CFAP54: variants seen among roughly 807,000 people sequenced by gnomAD.
CFAP54 encodes cilia- and flagella-associated protein 54.
In CFAP54, 290 loss-of-function variants were observed where a neutral mutation model predicts 370.4. That is an observed-to-expected ratio of 0.78 (90% CI 0.71 to 0.86). The LOEUF (loss-of-function observed/expected upper bound fraction) is 0.86. CFAP54 is among the 40% of genes least tolerant of loss of function. CFAP54 has a pLI of 0.00. For synonymous variants in CFAP54, 1,206 were observed against 1,236.5 expected, an observed-to-expected ratio of 0.98 and a Z score of 0.52; for missense variants, 3,399 against 3,528.7, an observed-to-expected ratio of 0.96 and a Z score of 0.93.
At chr12:96,657,304 G>C (rs999596130) in intron 36 of CFAP54, among the ~76,000 whole-genome samples, 1 of 152,132 alleles carries the variant, frequency 6.6e-6, no homozygotes, top group Non-Finnish European at 1.5e-5. Context: ...GGGTCTCCTT[G>C]ATGCTTTCCT....
chr12:96,664,695 ATC>A (rs201468144), intron 39 of CFAP54, among the ~76,000 whole-genome samples: 41,188 of 77,130 alleles, frequency 0.53, 9,375 homozygotes, highest in East Asian at 0.66. Flanking sequence ...TTGGGTATAT[ATC>A]TATATATATA....
chr12:96,626,844 G>A lies in CFAP54; in HGVS notation c.4008G>A (p.Leu1336=), dbSNP rs1023351924. ...AATTTAAGCAAAAACCAAGATTTCT[G>A]GAATTCTTTACACAAGTTATGCTAA... The part of the protein sequence containing the change: ...VMKFKQKPRF[L]EFFTQVMLKC... Residue 1336 remains leucine (L), a synonymous_variant, in exon 30 of 68, where the codon CTG becomes CTA. Coordinates refer to ENST00000524981, the MANE Select transcript of CFAP54 (RefSeq NM_001306084.2). 2 of 1,405,230 alleles carry A rather than the reference G, an allele frequency of 1.4e-6. No individual in the cohort carries two copies. Among genetic ancestry groups the A allele is most frequent in the East Asian group, 2.5e-5 (1 of 39,600 alleles). The allele number at this position is 1,405,230 out of a possible 1,614,324, so 87.0% of individuals were successfully genotyped here. A position where few individuals can be genotyped will look rare whatever the true frequency, so the allele number is the denominator to read the frequency against.
intron 1 of CFAP54, among the ~76,000 whole-genome samples, chr12:96,497,313 C>T (rs75350829): frequency 0.018 from 2,709 of 152,158 alleles, 72 homozygotes; most frequent in African/African-American, 0.062. Flanking sequence ...AGGCAAGAGA[C>T]CCAAAATAGC....
At chr12:96,652,855 A>G (rs1956877299) in intron 36 of CFAP54, among the ~76,000 whole-genome samples, 1 of 152,254 alleles carries the variant, frequency 6.6e-6, no homozygotes, top group African/African-American at 2.4e-5. Context: ...ATATTGTTAG[A>G]CAAGATAATA....
chr12:96,731,038 C>T (rs889363276), intron 50 of CFAP54, among the ~76,000 whole-genome samples: 4 of 152,126 alleles, frequency 2.6e-5, no homozygotes, highest in African/African-American at 9.7e-5. Flanking sequence ...GAGGTCAGAA[C>T]CATATTAATA....
intron 4 of CFAP54, among the ~76,000 whole-genome samples, chr12:96,511,691 C>A (rs146255615): frequency 0.012 from 1,870 of 152,218 alleles, 23 homozygotes; most frequent in South Asian, 0.04. Flanking sequence ...TCCATGTTGG[C>A]CAGGCTGGTC....
rs1959127986 is a variant in CFAP54, at chr12:96,827,207, A to G, written c.9097-1807A>G. Among the ~76,000 whole-genome samples, 2 of 22,224 alleles carry G rather than the reference A, an allele frequency of 9.0e-5. 1 individual carries two copies. Among genetic ancestry groups the G allele is most frequent in the South Asian group, 2.8e-3 (2 of 714 alleles). 14.6% of individuals were successfully genotyped at this position (22,224 alleles called of 152,430 possible). ...TTATATGTGATTATATATAATGTGC[A>G]GTTATATGTGATTATATATAATGTG... is the stretch of plus-strand genomic sequence containing the variant. On this transcript the variant is annotated intron_variant, in intron 65 of 67. Coordinates refer to ENST00000524981, the MANE Select transcript of CFAP54 (RefSeq NM_001306084.2).
At chr12:96,743,970 T>C in intron 54 of CFAP54, 50 bp from the exon 55 acceptor site, 1 of 1,603,754 alleles carries the variant, frequency 6.2e-7, no homozygotes, top group South Asian at 1.1e-5. Flanking sequence ...TTCCTCCTAT[T>C]CCAAACCACG....
intron 4 of CFAP54, among the ~76,000 whole-genome samples, chr12:96,509,307 C>T (rs1955140396): frequency 6.6e-6 from 1 of 152,098 alleles, no homozygotes; most frequent in Admixed American, 6.6e-5. Context: ...GGCATTCCAC[C>T]TGGGGGATCA....
At chr12:96,681,007 G>A (rs916707287) in intron 40 of CFAP54, among the ~76,000 whole-genome samples, 2 of 151,910 alleles carry the variant, frequency 1.3e-5, no homozygotes, top group East Asian at 1.9e-4. Flanking sequence ...CACTTGAACC[G>A]GCGGGGCAGA....
intron 58 of CFAP54, among the ~76,000 whole-genome samples, chr12:96,761,520 T>TG (rs986744822): frequency 3.0e-4 from 39 of 128,448 alleles, no homozygotes; most frequent in Admixed American, 4.0e-4. Flanking sequence ...TTATAGATTG[T>TG]GGGGTTTTTT....
chr12:96,596,478 A>G (rs1317179404), intron 25 of CFAP54, among the ~76,000 whole-genome samples: 1 of 152,162 alleles, frequency 6.6e-6, no homozygotes, highest in Non-Finnish European at 1.5e-5. Context: ...TGGAAAGAGA[A>G]TGGACATTTT....
chr12:96,752,658 A>G (rs1958200579), intron 55 of CFAP54, among the ~76,000 whole-genome samples: 1 of 152,172 alleles, frequency 6.6e-6, no homozygotes, highest in Non-Finnish European at 1.5e-5. Context: ...ATTCTCTGGG[A>G]TGGTTTCCCT....
chr12:96,620,502 T>C (rs905072939), intron 26 of CFAP54, among the ~76,000 whole-genome samples: 1 of 152,244 alleles, frequency 6.6e-6, no homozygotes, highest in Non-Finnish European at 1.5e-5. Context: ...TCCCCAGCCC[T>C]GTTAAATTGT....
chr12:96,630,475 A>G (rs1372037730), intron 31 of CFAP54, 76 bp from the exon 32 acceptor site: 2 of 772,006 alleles, frequency 2.6e-6, no homozygotes, highest in South Asian at 2.4e-5. Flanking sequence ...AGAGATAAGC[A>G]TTAGAGTATG....
At chr12:96,841,852 T>C (rs1227662559) in intron 66 of CFAP54, among the ~76,000 whole-genome samples, 1 of 152,252 alleles carries the variant, frequency 6.6e-6, no homozygotes, top group East Asian at 1.9e-4. Flanking sequence ...ATTGGTTGTA[T>C]GACCTTGGAC....
intron 19 of CFAP54, among the ~76,000 whole-genome samples, chr12:96,567,161 G>A (rs1955871861): frequency 6.6e-6 from 1 of 152,178 alleles, no homozygotes; most frequent in Non-Finnish European, 1.5e-5. Context: ...TCCAGGCAGA[G>A]AGAACAAATG....
intron 17 of CFAP54, among the ~76,000 whole-genome samples, chr12:96,562,741 T>C (rs1242780560): frequency 6.6e-6 from 1 of 152,094 alleles, no homozygotes; most frequent in Non-Finnish European, 1.5e-5. Flanking sequence ...TGTATTCTGT[T>C]TATATAAAAT....
intron 48 of CFAP54, among the ~76,000 whole-genome samples, chr12:96,717,789 G>A (rs182790120): frequency 6.6e-6 from 1 of 152,278 alleles, no homozygotes; most frequent in East Asian, 1.9e-4. Flanking sequence ...AGAAATATCT[G>A]GAAGAGGGCT....
Sources: gnomAD v4.1 joint callset for allele counts (sites outside exome capture counted in the v4.1 genomes callset) on GRCh38, gnomAD v4.1.1 for gene constraint, MANE v1.5 for transcripts, NCBI Gene and HGNC (gene_info 2026-07-23, HGNC 2026-07-21) for gene names.